Variants in LARP7 observed in about 807,000 individuals in gnomAD.
LARP7 encodes la-related protein 7.
Under a neutral mutation model 69.3 loss-of-function variants are expected in LARP7, and 52 were observed. The ratio of observed to expected loss-of-function variants is 0.75; its 90% confidence interval spans 0.60 to 0.95. LARP7 has a LOEUF of 0.95. Among genes scored for constraint, LARP7 ranks in the 40% least tolerant of loss-of-function variants. The pLI is 0.00. For missense variants in LARP7, 733 were observed against 673.0 expected (o/e 1.09, Z -0.99); for synonymous variants, 254 against 215.9 (o/e 1.18, Z -1.55).
At chr4:112,638,488 A>G (rs2047803739) in intron 1 of LARP7, among the ~76,000 whole-genome samples, 1 of 152,196 alleles carries the variant, frequency 6.6e-6, no homozygotes, top group African/African-American at 2.4e-5. Context: ...TCCAGTAAAG[A>G]TGCAATTAAT....
intron 2 of LARP7, 41 bp downstream of exon 2, chr4:112,644,912 T>G: frequency 1.0e-6 from 1 of 994,842 alleles, no homozygotes; most frequent in Non-Finnish European, 1.4e-6. Flanking sequence ...TTAGATATGG[T>G]TGCCTTTAAA....
Position 112,646,460 on chromosome 4 carries a change from CAAG to C in LARP7, c.303+12_303+14del, listed in dbSNP as rs767735112. ...GTTCAGCTGTTGTAGAGGTAAGAAT[CAAG>C]AATAACTACTGTTTATATTTATAGT... On this transcript the variant is annotated intron_variant, in intron 3 of 12. Coordinates refer to ENST00000344442, the MANE Select transcript of LARP7 (RefSeq NM_016648.4). 24 of 1,485,118 alleles carry C rather than the reference CAAG, an allele frequency of 1.6e-5. No individual in the cohort carries two copies. Among genetic ancestry groups the C allele is most frequent in the South Asian group, 2.4e-5 (2 of 85,078 alleles). 92.0% of individuals were successfully genotyped at this position (1,485,118 alleles called of 1,614,324 possible).
rs1428654742 is a variant in LARP7, at chr4:112,654,163, A to T, written c.1668+4A>T. 6.2e-7 allele frequency: 1 copy of T among 1,610,144 alleles called. No individual in the cohort carries two copies. ...AAAGAAAAGAGGCACTGAAAAGGTA[A>T]TTGATTCATTTTTGTTTTTTTAGAC... On this transcript the variant is annotated splice_donor_region_variant and intron_variant, in intron 12 of 12. Transcript: ENST00000344442.
rs1026123749 is a variant in LARP7, at chr4:112,645,997, T to C, written c.203-354T>C. On this transcript the variant is annotated intron_variant, in intron 2 of 12. Transcript: ENST00000344442. ...AATGCCATTTAGACCCTCATACAGT[T>C]TTTTTTTGTTTGTTTTGTTTGAGTC... is the stretch of plus-strand genomic sequence containing the variant. 2.2e-5 allele frequency among the ~76,000 whole-genome samples: 3 copies of C among 134,040 alleles called. No individual in the cohort carries two copies. The South Asian group carries it at 7.1e-4, about 32-fold the overall frequency. The allele number at this position is 134,040 out of a possible 152,430, so 87.9% of individuals were successfully genotyped here. A position where few individuals can be genotyped will look rare whatever the true frequency, so the allele number is the denominator to read the frequency against.
At chr4:112,656,804 G>T (rs1240791849) in intron 12 of LARP7, among the ~76,000 whole-genome samples, 2 of 151,978 alleles carry the variant, frequency 1.3e-5, no homozygotes, top group Non-Finnish European at 2.9e-5. Flanking sequence ...ATTGCCATAT[G>T]GTACCAAACA....
At chr4:112,642,262 G>A (rs2047992753) in intron 1 of LARP7, among the ~76,000 whole-genome samples, 7 of 152,158 alleles carry the variant, frequency 4.6e-5, no homozygotes, top group Admixed American at 4.6e-4. Flanking sequence ...ACATGGTTGT[G>A]TGGTACTCAA....
intron 4 of LARP7, 28 bp downstream of exon 4, chr4:112,646,699 C>G: frequency 6.4e-7 from 1 of 1,559,928 alleles, no homozygotes; most frequent in Non-Finnish European, 8.7e-7. Context: ...GGTCCCCAGT[C>G]AGAAACTGGC....
chr4:112,647,926 T>G, intron 8 of LARP7, 92 bp downstream of exon 8: 1 of 949,976 alleles, frequency 1.1e-6, no homozygotes, highest in East Asian at 2.5e-5. Flanking sequence ...GAGTTGCATA[T>G]TAGCAACAGT....
At chr4:112,652,383 A>C (rs150904505) in intron 10 of LARP7, among the ~76,000 whole-genome samples, 2 of 147,106 alleles carry the variant, frequency 1.4e-5, no homozygotes, top group African/African-American at 5.0e-5. Flanking sequence ...ACATTCCTGC[A>C]TAAATGCATT....
intron 11 of LARP7, among the ~76,000 whole-genome samples, chr4:112,653,508 G>C (rs1362189213): frequency 6.6e-6 from 1 of 151,756 alleles, no homozygotes. Flanking sequence ...TTTTGAGACA[G>C]AGTTTCGCTC....
intron 1 of LARP7, among the ~76,000 whole-genome samples, chr4:112,643,971 G>A (rs186932416): frequency 4.1e-4 from 62 of 152,096 alleles, no homozygotes; most frequent in African/African-American, 1.3e-3. Context: ...TGCCAGGCGC[G>A]GCGGCTCATG....
chr4:112,644,684 T>C lies in LARP7; in HGVS notation c.15T>C (p.Ser5=). 6.2e-7 allele frequency: 1 copy of C among 1,603,028 alleles called. No homozygotes were observed. The highest frequency in any genetic ancestry group is 8.5e-7 in the Non-Finnish European group (1 of 1,174,282). The stretch of plus-strand genomic sequence containing the variant: ...AATTCACAGGAATGGAAACTGAAAG[T>C]GGAAATCAGGAAAAGGTAATGGAAG... METE[S]GNQEKVMEEE... is the part of the protein sequence containing the mutation. Residue 5 remains serine (S), a synonymous_variant, in exon 2 of 13, where the codon AGT becomes AGC. Coordinates refer to ENST00000344442, the MANE Select transcript of LARP7 (RefSeq NM_016648.4).
chr4:112,647,127 G>A lies in LARP7; in HGVS notation c.646G>A (p.Glu216Lys). Reference protein sequence around the residue: ...NKPIPALRVVEEKKKKKKKKG... With the variant: ...NKPIPALRVVKEKKKKKKKKG... The stretch of plus-strand genomic sequence containing the variant: ...GCCCATTCCAGCCTTAAGAGTTGTG[G>A]GTGAGTATTTTTCAATATTTAAATA... Residue 216 changes from glutamate to lysine, a missense_variant and splice_region_variant, in exon 6 of 13, where the codon GAA (glutamate) becomes AAA (lysine). Coordinates refer to ENST00000344442, the MANE Select transcript of LARP7 (RefSeq NM_016648.4). 6.2e-7 allele frequency: 1 copy of A among 1,602,686 alleles called. No individual in the cohort carries two copies. Among genetic ancestry groups the A allele is most frequent in the Non-Finnish European group, 8.5e-7 (1 of 1,177,386 alleles).
intron 1 of LARP7, chr4:112,644,305 A>T: frequency 7.9e-6 from 2 of 251,836 alleles, no homozygotes; most frequent in Non-Finnish European, 1.4e-5. Context: ...GGGTGTTGCG[A>T]TGGAGAGGAG....
chr4:112,647,530 A>T lies in LARP7; in HGVS notation c.978A>T (p.Glu326Asp), dbSNP rs200072154. The T allele has an allele frequency of 8.2e-5, 131 of 1,606,150 alleles. No individual in the cohort carries two copies. Among genetic ancestry groups the T allele is most frequent in the Middle Eastern group, 6.6e-4 (4 of 6,028 alleles). Residue 326 changes from glutamate to aspartate, a missense_variant, in exon 7 of 13, where the codon GAA becomes GAT. Coordinates refer to ENST00000344442, the MANE Select transcript of LARP7 (RefSeq NM_016648.4). Reference protein sequence around the residue: ...IQKDIIKEASEASKENRDIEI... With the variant: ...IQKDIIKEASDASKENRDIEI... Reference sequence around the variant, plus strand: ...AAGACATCATTAAGGAAGCATCAGAAGCTTCCAAGGAAAATAGAGGTAAAA... The same window carrying T: ...AAGACATCATTAAGGAAGCATCAGATGCTTCCAAGGAAAATAGAGGTAAAA...
chr4:112,655,160 AG>A (rs2048906817), intron 12 of LARP7, among the ~76,000 whole-genome samples: 1 of 152,214 alleles, frequency 6.6e-6, no homozygotes, highest in East Asian at 1.9e-4. Context: ...GTGCTTCCCA[AG>A]GATTCTTTCA....
intron 12 of LARP7, among the ~76,000 whole-genome samples, chr4:112,656,720 A>G (rs1578655647): frequency 6.6e-6 from 1 of 152,214 alleles, no homozygotes; most frequent in South Asian, 2.1e-4. Flanking sequence ...AGAGTTCTAA[A>G]CATCTTTGGA....
intron 8 of LARP7, chr4:112,648,836 G>C (rs1229739740): frequency 5.4e-6 from 1 of 184,834 alleles, no homozygotes; most frequent in Non-Finnish European, 1.1e-5. Flanking sequence ...GTATGATCCT[G>C]GGTGGGTCTG....
chr4:112,644,945 C>CTTTTTTTTTTTTTTTT (rs58234206), intron 2 of LARP7, 74 bp downstream of exon 2: 2 of 159,998 alleles, frequency 1.3e-5, no homozygotes, highest in African/African-American at 6.9e-5. Flanking sequence ...ATAATATATT[C>CTTTTTTTTTTTTTTTT]TTTTTTTTTT....
Sources: gnomAD v4.1 joint callset for allele counts (sites outside exome capture counted in the v4.1 genomes callset) on GRCh38, gnomAD v4.1.1 for gene constraint, MANE v1.5 for transcripts, NCBI Gene and HGNC (gene_info 2026-07-23, HGNC 2026-07-21) for gene names.